The following PARD3B variants were observed in gnomAD, a reference collection of about 807,000 sequenced individuals.
PARD3B encodes the protein partitioning defective 3 homolog B.
A neutral mutation model predicts 130.2 loss-of-function variants in PARD3B; 103 were observed. The observed-to-expected ratio is 0.79, with a 90% confidence interval of 0.67 to 0.93. PARD3B has a LOEUF of 0.93. Among genes scored for constraint, PARD3B ranks in the 40% least tolerant of loss-of-function variants. The probability of loss-of-function intolerance (pLI) is 0.00; values close to 1 mark genes in which losing one functional copy is unlikely to be tolerated. For synonymous variants in PARD3B, 583 were observed against 553.2 expected (o/e 1.05, Z -0.76); for missense variants, 1,609 against 1,499.2 (o/e 1.07, Z -1.21).
chr2:205,049,076 C>T (rs1048116034), intron 4 of PARD3B, among the ~76,000 whole-genome samples: 3 of 152,148 alleles, frequency 2.0e-5, no homozygotes, highest in African/African-American at 7.2e-5. Flanking sequence ...ATTTAGTTTT[C>T]ATTTTCATGA....
chr2:205,502,039 G>A (rs543564533), intron 21 of PARD3B, among the ~76,000 whole-genome samples: 5 of 152,228 alleles, frequency 3.3e-5, no homozygotes, highest in Admixed American at 6.5e-5. Flanking sequence ...CGTAAAACAC[G>A]AGTGTTCTTT....
At chr2:205,355,975 C>T (rs1286640772) in intron 18 of PARD3B, among the ~76,000 whole-genome samples, 1 of 152,158 alleles carries the variant, frequency 6.6e-6, no homozygotes, top group Non-Finnish European at 1.5e-5. Flanking sequence ...CCTGGTCTCT[C>T]CCTTGATTCA....
intron 16 of PARD3B, among the ~76,000 whole-genome samples, chr2:205,296,305 C>A (rs2041788741): frequency 6.6e-6 from 1 of 152,176 alleles, no homozygotes. Context: ...CCACTACCCT[C>A]TAGACAGTTT....
At chr2:205,081,031 C>T (rs1388573620) in intron 4 of PARD3B, among the ~76,000 whole-genome samples, 1 of 151,272 alleles carries the variant, frequency 6.6e-6, no homozygotes, top group Non-Finnish European at 1.5e-5. Context: ...TCTGTTACAA[C>T]CCTTTTATCA....
chr2:205,134,074 T>A (rs1295796772), intron 10 of PARD3B, among the ~76,000 whole-genome samples: 1 of 152,152 alleles, frequency 6.6e-6, no homozygotes, highest in East Asian at 1.9e-4. Context: ...TCCACCCTTT[T>A]ACTATGGTTG....
intron 2 of PARD3B, among the ~76,000 whole-genome samples, chr2:204,953,399 A>G (rs1181450460): frequency 2.7e-5 from 4 of 149,344 alleles, no homozygotes; most frequent in Non-Finnish European, 4.4e-5. Flanking sequence ...ATTGACATAT[A>G]TATGTTAACA....
chr2:204,573,683 C>G (rs533836412), intron 1 of PARD3B, among the ~76,000 whole-genome samples: 19 of 152,278 alleles, frequency 1.2e-4, no homozygotes, highest in African/African-American at 4.1e-4. Context: ...ATCAGAGTGT[C>G]CCCGATGCCC....
chr2:205,006,640 C>T (rs1392334200), intron 3 of PARD3B, among the ~76,000 whole-genome samples: 2 of 151,962 alleles, frequency 1.3e-5, no homozygotes, highest in Admixed American at 6.6e-5. Flanking sequence ...ATGTCCTTTG[C>T]CCACTTTTTG....
intron 2 of PARD3B, among the ~76,000 whole-genome samples, chr2:204,941,147 GCTAAC>G (rs1688867283): frequency 2.6e-5 from 4 of 152,028 alleles, no homozygotes; most frequent in Admixed American, 2.6e-4. Context: ...TGTTTCTATT[GCTAAC>G]CATAGATTAA....
At chr2:205,497,362 G>A (rs1043038337) in intron 20 of PARD3B, among the ~76,000 whole-genome samples, 2 of 149,736 alleles carry the variant, frequency 1.3e-5, no homozygotes, top group African/African-American at 4.9e-5. Flanking sequence ...ACATCATCCA[G>A]TTTGCAATTA....
rs953998026 is a variant in PARD3B, at chr2:205,463,484, A to G, written c.3044+22812A>G. 2.6e-5 allele frequency among the ~76,000 whole-genome samples: 4 copies of G among 152,110 alleles called. No homozygotes were observed. Among genetic ancestry groups the G allele is most frequent in the Non-Finnish European group, 2.9e-5 (2 of 68,034 alleles). ...ACCTGTCATTTAATTTTAAATGCTAATATGCATATGGTTAATTAAGAAGCC... is the reference window on the plus strand; with the variant it reads ...ACCTGTCATTTAATTTTAAATGCTAGTATGCATATGGTTAATTAAGAAGCC... On this transcript the variant is annotated intron_variant, in intron 20 of 22. Coordinates refer to ENST00000406610, the MANE Select transcript of PARD3B (RefSeq NM_001302769.2). This position sits in a 1 kb window ranked among gnomAD's most constrained non-coding sequence, Gnocchi z 4.8.
chr2:205,181,480 G>A (rs1481288529), intron 13 of PARD3B, among the ~76,000 whole-genome samples: 1 of 152,206 alleles, frequency 6.6e-6, no homozygotes, highest in East Asian at 1.9e-4. Context: ...GTGCAAGATA[G>A]TAAATATTTC....
At chr2:205,509,097 A>G (rs1361346938) in intron 21 of PARD3B, among the ~76,000 whole-genome samples, 5 of 152,142 alleles carry the variant, frequency 3.3e-5, no homozygotes, top group Admixed American at 6.5e-5. Context: ...TAGCCTTTAA[A>G]TATAGCATAA....
rs34032930 is a variant in PARD3B, at chr2:205,310,719, C to CTTTTTTTTT, written c.2630+9032_2630+9040dup. The stretch of plus-strand genomic sequence containing the variant: ...TATTTCTTCCTTTCTTTCTTTCTTT[C>CTTTTTTTTT]TTTTTTTTTTTTTTTTTTTTTTGAG... On this transcript the variant is annotated intron_variant, in intron 18 of 22. Coordinates refer to ENST00000406610, the MANE Select transcript of PARD3B (RefSeq NM_001302769.2). Among the ~76,000 whole-genome samples, 422 of 82,588 alleles carry CTTTTTTTTT rather than the reference C, an allele frequency of 5.1e-3. 2 individuals carry two copies. The highest frequency in any genetic ancestry group is 5.8e-3 in the Non-Finnish European group (284 of 48,636). 54.2% of individuals were successfully genotyped at this position (82,588 alleles called of 152,430 possible). A position where few individuals can be genotyped will look rare whatever the true frequency, so the allele number is the denominator to read the frequency against.
At chr2:205,304,594 C>G (rs2042124719) in intron 18 of PARD3B, among the ~76,000 whole-genome samples, 1 of 146,318 alleles carries the variant, frequency 6.8e-6, no homozygotes, top group Admixed American at 7.0e-5. Flanking sequence ...AAGATTGCAC[C>G]ATTGTACTCC....
rs2055532080 is a variant in PARD3B at position 205,619,433 on chromosome 2, G to T, written c.*3620G>T. ...CCTACAATCAATGGCCTTCAAATTGGTGTTAAATTGGGAGAACACCCTACT... is the reference window on the plus strand; with the variant it reads ...CCTACAATCAATGGCCTTCAAATTGTTGTTAAATTGGGAGAACACCCTACT... On this transcript the variant is annotated 3_prime_UTR_variant, in exon 23 of 23. Transcript: ENST00000406610. 1 of 152,160 alleles carries T rather than the reference G, an allele frequency of 6.6e-6. No homozygotes were observed. Among genetic ancestry groups the T allele is most frequent in the African/African-American group, 2.4e-5 (1 of 41,420 alleles). 9.4% of individuals were successfully genotyped at this position (152,160 alleles called of 1,614,324 possible). A position where few individuals can be genotyped will look rare whatever the true frequency, so the allele number is the denominator to read the frequency against.
chr2:204,729,998 A>AACACACACAC lies in PARD3B; in HGVS notation c.222+43744_222+43753dup, dbSNP rs3036396. On this transcript the variant is annotated intron_variant, in intron 2 of 22. Transcript: ENST00000406610. ...CTAGTTACAGATACACACACACACA[A>AACACACACAC]ACACACACACACACACACACACACA... 8.3e-3 allele frequency among the ~76,000 whole-genome samples: 1,174 copies of AACACACACAC among 141,428 alleles called. 14 individuals carry two copies. Among genetic ancestry groups the AACACACACAC allele is most frequent in the African/African-American group, 0.013 (483 of 38,560 alleles). The allele number at this position is 141,428 out of a possible 152,430, so 92.8% of individuals were successfully genotyped here.
intron 21 of PARD3B, among the ~76,000 whole-genome samples, chr2:205,526,533 C>T (rs2106415941): frequency 6.6e-6 from 1 of 152,246 alleles, no homozygotes; most frequent in African/African-American, 2.4e-5. Flanking sequence ...TGATAGCAAG[C>T]TCAACCTTGA....
Position 205,249,193 on chromosome 2 carries a change from A to ATT in PARD3B, c.2185+3380_2185+3381dup, listed in dbSNP as rs367716905. Among the ~76,000 whole-genome samples, 90 of 123,382 alleles carry ATT rather than the reference A, an allele frequency of 7.3e-4. No homozygotes were observed. In the South Asian group the frequency reaches 8.7e-3, roughly 12 times the overall value. The allele number at this position is 123,382 out of a possible 152,430, so 80.9% of individuals were successfully genotyped here. On this transcript the variant is annotated intron_variant, in intron 16 of 22. Coordinates refer to ENST00000406610, the MANE Select transcript of PARD3B (RefSeq NM_001302769.2). The stretch of plus-strand genomic sequence containing the variant: ...CCGGCTAATTTTTTTTTTTTTTTGT[A>ATT]TTTTTTTTTTATGCTAAGAGTCTCT...
Sources: gnomAD v4.1 joint callset for allele counts (sites outside exome capture counted in the v4.1 genomes callset) on GRCh38, gnomAD v4.1.1 for gene constraint, Gnocchi (gnomAD v3.1) non-coding constraint, MANE v1.5 for transcripts, NCBI Gene and HGNC (gene_info 2026-07-23, HGNC 2026-07-21) for gene names.